DLG2: variants seen among roughly 807,000 people sequenced by gnomAD.
DLG2 encodes disks large homolog 2.
Under a neutral mutation model 132.5 loss-of-function variants are expected in DLG2, and 45 were observed. That is an observed-to-expected ratio of 0.34 (90% CI 0.27 to 0.44). The LOEUF is 0.44. Among genes scored for constraint, DLG2 ranks in the 20% least tolerant of loss-of-function variants. The probability of loss-of-function intolerance (pLI) is 1.00; values close to 1 mark genes in which losing one functional copy is unlikely to be tolerated. For missense variants in DLG2, 1,045 were observed against 1,196.9 expected, an observed-to-expected ratio of 0.87 and a Z score of 1.87; for synonymous variants, 424 against 419.6, an observed-to-expected ratio of 1.01 and a Z score of -0.13.
At chr11:85,501,818 T>C (rs1022715744) in intron 3 of DLG2, among the ~76,000 whole-genome samples, 3 of 152,136 alleles carry the variant, frequency 2.0e-5, no homozygotes, top group African/African-American at 7.2e-5. Context: ...ACATTGTTGG[T>C]GGGAGTATAA....
intron 6 of DLG2, among the ~76,000 whole-genome samples, chr11:84,707,604 G>A (rs781539028): frequency 1.3e-4 from 20 of 151,932 alleles, no homozygotes; most frequent in Non-Finnish European, 2.5e-4. Flanking sequence ...CTAGGAGCTG[G>A]CTGAAAGAGG....
intron 6 of DLG2, among the ~76,000 whole-genome samples, chr11:84,566,421 G>T (rs1447609527): frequency 6.6e-6 from 1 of 152,138 alleles, no homozygotes; most frequent in Non-Finnish European, 1.5e-5. Flanking sequence ...GGTAAAAAAA[G>T]TTTGCATTTC....
chr11:84,938,645 T>C (rs1463217420), intron 6 of DLG2, among the ~76,000 whole-genome samples: 4 of 152,180 alleles, frequency 2.6e-5, no homozygotes, highest in Admixed American at 2.6e-4. Context: ...AATTCATAAA[T>C]GTGTTGTCTT....
At chr11:84,106,979 GGTGT>G (rs35530888) in intron 9 of DLG2, among the ~76,000 whole-genome samples, 138 of 105,396 alleles carry the variant, frequency 1.3e-3, no homozygotes, top group African/African-American at 3.8e-3. Context: ...TTAGCCTTAG[GGTGT>G]GTGTGTGTGT....
chr11:83,575,611 G>A (rs138610111), intron 19 of DLG2, among the ~76,000 whole-genome samples: 22 of 152,184 alleles, frequency 1.4e-4, no homozygotes, highest in Non-Finnish European at 2.6e-4. Flanking sequence ...ATTTGTAAAG[G>A]GCTGAGATCA....
At chr11:84,508,315 C>G (rs1339273408) in intron 7 of DLG2, among the ~76,000 whole-genome samples, 1 of 151,796 alleles carries the variant, frequency 6.6e-6, no homozygotes, top group Non-Finnish European at 1.5e-5. Flanking sequence ...TGTTGTCTTT[C>G]ATTGGTATAT....
intron 26 of DLG2, among the ~76,000 whole-genome samples, chr11:83,464,906 T>A (rs1404907498): frequency 6.6e-6 from 1 of 152,246 alleles, no homozygotes; most frequent in African/African-American, 2.4e-5. Flanking sequence ...CTCATTAATG[T>A]TAGCATTACT....
chr11:84,324,512 T>C (rs1211560204), intron 7 of DLG2, among the ~76,000 whole-genome samples: 2 of 152,122 alleles, frequency 1.3e-5, no homozygotes, highest in East Asian at 1.9e-4. Context: ...TTTCTCATGA[T>C]TGTTTTGGCT....
intron 3 of DLG2, among the ~76,000 whole-genome samples, chr11:85,497,930 C>A (rs2153118999): frequency 6.6e-6 from 1 of 152,278 alleles, no homozygotes; most frequent in Non-Finnish European, 1.5e-5. Flanking sequence ...CTGAAGGAAG[C>A]ACCAAACATG....
intron 18 of DLG2, among the ~76,000 whole-genome samples, chr11:83,636,883 T>C (rs2065006080): frequency 1.3e-5 from 2 of 152,200 alleles, no homozygotes; most frequent in Admixed American, 1.3e-4. Context: ...GTTTTCATCT[T>C]TCCTACTTTG....
intron 18 of DLG2, chr11:83,652,090 G>A (rs577468124): frequency 1.7e-5 from 5 of 293,240 alleles, no homozygotes; most frequent in East Asian, 8.2e-5. Context: ...TAGTATCATC[G>A]TTTGCCCCCA....
chr11:84,806,118 T>C (rs751358404), intron 6 of DLG2, among the ~76,000 whole-genome samples: 7 of 151,978 alleles, frequency 4.6e-5, no homozygotes, highest in South Asian at 2.1e-4. Flanking sequence ...AACTGGAAGA[T>C]AAAGCAATAT....
intron 7 of DLG2, among the ~76,000 whole-genome samples, chr11:84,362,015 T>G (rs942579113): frequency 6.6e-6 from 1 of 151,852 alleles, no homozygotes; most frequent in African/African-American, 2.4e-5. Context: ...AGAAAGCAAA[T>G]AGCAAGATAA....
At chr11:84,519,033 AT>A (rs2099284064) in intron 7 of DLG2, among the ~76,000 whole-genome samples, 1 of 152,178 alleles carries the variant, frequency 6.6e-6, no homozygotes, top group African/African-American at 2.4e-5. Flanking sequence ...CATCCAATTC[AT>A]CATATTTGCA....
intron 18 of DLG2, among the ~76,000 whole-genome samples, chr11:83,724,466 T>TGA (rs1482511638): frequency 3.9e-5 from 4 of 101,996 alleles, no homozygotes; most frequent in Non-Finnish European, 8.3e-5. Context: ...TCCGTGTGTG[T>TGA]GTGTGTGTGT....
intron 10 of DLG2, among the ~76,000 whole-genome samples, chr11:84,085,103 T>C (rs2096958121): frequency 6.6e-6 from 1 of 152,204 alleles, no homozygotes; most frequent in African/African-American, 2.4e-5. Flanking sequence ...TTAAGCTAAT[T>C]TGAAGTGGCT....
intron 6 of DLG2, among the ~76,000 whole-genome samples, chr11:84,685,737 G>T (rs377704070): frequency 1.3e-5 from 2 of 151,068 alleles, no homozygotes; most frequent in African/African-American, 4.9e-5. Flanking sequence ...ACGGAGTCTC[G>T]CTCTGTCGCC....
chr11:84,024,217 A>C (rs546656773), intron 11 of DLG2, among the ~76,000 whole-genome samples: 3 of 152,258 alleles, frequency 2.0e-5, no homozygotes, highest in African/African-American at 7.2e-5. Context: ...ACTCTCTCAT[A>C]TGGTAAAAAA....
intron 21 of DLG2, among the ~76,000 whole-genome samples, chr11:83,510,565 C>T (rs773844478): frequency 9.9e-5 from 15 of 152,174 alleles, no homozygotes; most frequent in African/African-American, 3.1e-4. Flanking sequence ...GGATGCATCA[C>T]GGGGATTAGG....
Sources: allele counts gnomAD v4.1 joint callset (sites outside exome capture counted in the v4.1 genomes callset), GRCh38; gene constraint gnomAD v4.1.1; transcripts MANE v1.5; gene names NCBI Gene and HGNC (gene_info 2026-07-23, HGNC 2026-07-21).